Variants in PCDHAC1 observed in about 807,000 individuals in gnomAD.
PCDHAC1 encodes protocadherin alpha subfamily C, 1.
In PCDHAC1, 42 loss-of-function variants were observed where a neutral mutation model predicts 60.0. The observed-to-expected ratio is 0.70, with a 90% CI of 0.55 to 0.90. The LOEUF is 0.90. Among genes scored for constraint, PCDHAC1 ranks in the 40% least tolerant of loss-of-function variants. The pLI is 0.00. For synonymous variants in PCDHAC1, 468 were observed against 499.3 expected, an observed-to-expected ratio of 0.94 and a Z score of 0.84; for missense variants, 1,160 against 1,222.3, an observed-to-expected ratio of 0.95 and a Z score of 0.76.
intron 1 of PCDHAC1, chr5:140,966,824 A>T: frequency 1.3e-6 from 2 of 1,559,992 alleles, no homozygotes; most frequent in Non-Finnish European, 1.7e-6. Flanking sequence ...CCGGCGGCCC[A>T]TGCCCTGGCT....
At chr5:140,989,940 G>A (rs947716591) in intron 3 of PCDHAC1, among the ~76,000 whole-genome samples, 9 of 152,062 alleles carry the variant, frequency 5.9e-5, no homozygotes, top group Admixed American at 1.3e-4. Flanking sequence ...GACATTCCAC[G>A]TTTTTCTCGG....
intron 1 of PCDHAC1, among the ~76,000 whole-genome samples, chr5:140,960,401 G>C (rs1219932748): frequency 2.0e-5 from 3 of 151,956 alleles, no homozygotes; most frequent in African/African-American, 7.3e-5. Flanking sequence ...TGCAAGGGGG[G>C]GTGCCCAAAA....
chr5:140,950,270 G>A (rs980703743), intron 1 of PCDHAC1, among the ~76,000 whole-genome samples: 1 of 151,960 alleles, frequency 6.6e-6, no homozygotes, highest in East Asian at 1.9e-4. Flanking sequence ...TATCCATAAT[G>A]TCTTTTTGCT....
chr5:141,005,932 G>A (rs1588114868), intron 3 of PCDHAC1, among the ~76,000 whole-genome samples: 2 of 152,074 alleles, frequency 1.3e-5, no homozygotes, highest in East Asian at 3.9e-4. Context: ...GGTTGACAGA[G>A]TGAGAACCTA....
chr5:140,977,974 A>G (rs2096783738), intron 1 of PCDHAC1, among the ~76,000 whole-genome samples: 1 of 152,182 alleles, frequency 6.6e-6, no homozygotes, highest in African/African-American at 2.4e-5. Context: ...CCGCCCATGA[A>G]AACGCATCTA....
chr5:140,978,806 C>G (rs1554239758), intron 1 of PCDHAC1, 143 bp from the exon 2 acceptor site: 2 of 1,492,474 alleles, frequency 1.3e-6, no homozygotes, highest in Non-Finnish European at 1.8e-6. Context: ...TAGATATCAT[C>G]ATAGAGTTAC....
intron 1 of PCDHAC1, among the ~76,000 whole-genome samples, chr5:140,939,496 T>C (rs1056805885): frequency 4.6e-5 from 7 of 150,952 alleles, no homozygotes; most frequent in African/African-American, 1.5e-4. Context: ...AATTATAAAT[T>C]CAATGTCTAT....
intron 1 of PCDHAC1, among the ~76,000 whole-genome samples, chr5:140,950,908 T>G (rs1259421351): frequency 6.6e-6 from 1 of 152,072 alleles, no homozygotes; most frequent in Non-Finnish European, 1.5e-5. Flanking sequence ...TTTATTTTTA[T>G]TTTATTTCAG....
intron 3 of PCDHAC1, among the ~76,000 whole-genome samples, chr5:141,007,395 C>CAAAAAAAA (rs35800918): frequency 4.0e-3 from 379 of 94,450 alleles, no homozygotes; most frequent in Non-Finnish European, 5.7e-3. Context: ...TACTAAAATA[C>CAAAAAAAA]AAAAAAAAAA....
At chr5:140,968,287 C>G (rs7712041) in intron 1 of PCDHAC1, 1 of 1,613,902 alleles carries the variant, frequency 6.2e-7, no homozygotes, top group South Asian at 1.1e-5. Context: ...TGACCTACTC[C>G]CTTCTGGAGA....
At chr5:140,987,292 T>G (rs2097246000) in intron 3 of PCDHAC1, among the ~76,000 whole-genome samples, 1 of 152,134 alleles carries the variant, frequency 6.6e-6, no homozygotes, top group African/African-American at 2.4e-5. Context: ...TTAACAAGCC[T>G]TCTATGTGAT....
In PCDHAC1 at chr5:140,976,792, T is replaced by C. The variant is rs982135806; in HGVS notation, c.2434-2157T>C. 2.1e-4 allele frequency among the ~76,000 whole-genome samples: 32 copies of C among 152,216 alleles called. 1 individual carries two copies. The highest frequency in any genetic ancestry group is 1.0e-3 in the Admixed American group (16 of 15,274). ...AGACTCTGACTATATAGCTACGCTT[T>C]TATGAATATCTGAAGATATGCATGT... On this transcript the variant is annotated intron_variant, in intron 1 of 3. Coordinates refer to ENST00000253807, the MANE Select transcript of PCDHAC1 (RefSeq NM_018898.5).
chr5:140,951,707 G>A (rs1162162711), intron 1 of PCDHAC1, among the ~76,000 whole-genome samples: 6 of 152,076 alleles, frequency 3.9e-5, no homozygotes, highest in African/African-American at 1.4e-4. Flanking sequence ...TTTGGGCGGG[G>A]ACACAGATCC....
Position 140,968,070 on chromosome 5 carries a change from A to G in PCDHAC1, c.2434-10879A>G, listed in dbSNP as rs377189542. On this transcript the variant is annotated intron_variant, in intron 1 of 3. Transcript: ENST00000253807. The stretch of plus-strand genomic sequence containing the variant: ...CTGGACCGAGAGCGGGTGGCTGTCT[A>G]CAACATCACGGTGACAGCCACAGAT... 3.5e-5 allele frequency: 57 copies of G among 1,614,034 alleles called. No homozygotes were observed. The highest frequency in any genetic ancestry group is 1.6e-4 in the Middle Eastern group (1 of 6,082).
At chr5:140,979,908 TAA>T (rs782196172) in intron 2 of PCDHAC1, among the ~76,000 whole-genome samples, 3 of 152,250 alleles carry the variant, frequency 2.0e-5, no homozygotes, top group Non-Finnish European at 4.4e-5. Context: ...GATCAGTTCG[TAA>T]AGAGAAAGCC....
At chr5:140,983,138 G>C (rs1217034245) in intron 3 of PCDHAC1, among the ~76,000 whole-genome samples, 1 of 152,170 alleles carries the variant, frequency 6.6e-6, no homozygotes, top group Non-Finnish European at 1.5e-5. Flanking sequence ...CTGACTTTTA[G>C]TGCCTTGGCA....
intron 1 of PCDHAC1, chr5:140,969,102 T>C: frequency 1.2e-6 from 2 of 1,614,114 alleles, no homozygotes; most frequent in African/African-American, 1.3e-5. Flanking sequence ...CCTCACTTCA[T>C]TGAAGTTCGA....
chr5:140,961,434 A>G (rs2095611315), intron 1 of PCDHAC1, among the ~76,000 whole-genome samples: 1 of 152,174 alleles, frequency 6.6e-6, no homozygotes, highest in African/African-American at 2.4e-5. Context: ...TTACAAAATC[A>G]CCTAACTACA....
chr5:140,945,807 C>G (rs1408404648), intron 1 of PCDHAC1, among the ~76,000 whole-genome samples: 1 of 152,120 alleles, frequency 6.6e-6, no homozygotes, highest in African/African-American at 2.4e-5. Context: ...AGACCCTTAT[C>G]TCACACTGTA....
Sources: allele counts gnomAD v4.1 joint callset (sites outside exome capture counted in the v4.1 genomes callset), GRCh38; gene constraint gnomAD v4.1.1; transcripts MANE v1.5; gene names NCBI Gene and HGNC (gene_info 2026-07-23, HGNC 2026-07-21).